Variants in C1QTNF3 observed in about 807,000 individuals in gnomAD.
C1QTNF3 encodes complement C1q tumor necrosis factor-related protein 3.
Under a neutral mutation model 32.6 loss-of-function variants are expected in C1QTNF3, and 26 were observed. That is an observed-to-expected ratio of 0.80 (90% CI 0.58 to 1.11). The LOEUF is 1.11. Among genes scored for constraint, C1QTNF3 ranks in the 50% least tolerant of loss-of-function variants. C1QTNF3 has a pLI of 0.00. For synonymous variants in C1QTNF3, 155 were observed against 146.0 expected (o/e 1.06, Z -0.44); for missense variants, 362 against 398.2 (o/e 0.91, Z 0.77).
chr5:34,187,316 T>C, the C1QTNF3 span, among the ~76,000 whole-genome samples: 1 of 152,298 alleles, frequency 6.6e-6, no homozygotes, highest in East Asian at 1.9e-4. Context: ...ATACAATAAG[T>C]TGATACCAGT....
the C1QTNF3 span, among the ~76,000 whole-genome samples, chr5:34,154,432 T>C: frequency 1.3e-5 from 2 of 152,190 alleles, no homozygotes; most frequent in Non-Finnish European, 2.9e-5. Context: ...TGATTAAATG[T>C]TACCCTGTGT....
At chr5:34,220,392 T>C in the C1QTNF3 span, among the ~76,000 whole-genome samples, 1 of 152,002 alleles carries the variant, frequency 6.6e-6, no homozygotes, top group Non-Finnish European at 1.5e-5. Flanking sequence ...TCTATGTCAA[T>C]GATCGTCCTT....
rs1754266459 is a variant in C1QTNF3 at position 34,019,195 on chromosome 5, T to C, written c.*1388A>G. ...GTACATGTAAATTTCCTATGACACCTACCTACTGTTTCCTTTTTAGCATCT... is the reference window on the plus strand; with the variant it reads ...GTACATGTAAATTTCCTATGACACCCACCTACTGTTTCCTTTTTAGCATCT... On this transcript the variant is annotated 3_prime_UTR_variant, in exon 6 of 6. Transcript: ENST00000382065. Among the ~76,000 whole-genome samples the C allele has an allele frequency of 3.3e-5, 5 of 152,308 alleles. No homozygotes were observed. The South Asian group carries it at 1.0e-3, about 32-fold the overall frequency.
the C1QTNF3 span, among the ~76,000 whole-genome samples, chr5:34,216,806 G>T: frequency 6.6e-6 from 1 of 152,286 alleles, no homozygotes; most frequent in African/African-American, 2.4e-5. Context: ...AAGCAGGAAT[G>T]AATGCAATAA....
the C1QTNF3 span, among the ~76,000 whole-genome samples, chr5:34,225,382 G>A: frequency 1.3e-5 from 2 of 152,040 alleles, no homozygotes; most frequent in East Asian, 1.9e-4. Flanking sequence ...TTTGGAATTC[G>A]TTTTAGTGTA....
At chr5:34,063,551 G>A in the C1QTNF3 span, among the ~76,000 whole-genome samples, 1 of 152,118 alleles carries the variant, frequency 6.6e-6, no homozygotes, top group Admixed American at 6.5e-5. Context: ...GTAGAAACTG[G>A]GGGAGGAGAG....
the C1QTNF3 span, among the ~76,000 whole-genome samples, chr5:34,187,407 T>C: frequency 1.3e-5 from 2 of 152,398 alleles, no homozygotes; most frequent in African/African-American, 4.8e-5. Context: ...CTGGAACAGT[T>C]TGGAAGGCTC....
At chr5:34,228,879 G>A in the C1QTNF3 span, among the ~76,000 whole-genome samples, 11 of 150,388 alleles carry the variant, frequency 7.3e-5, no homozygotes, top group Non-Finnish European at 1.3e-4. Context: ...GAAGCTGGCC[G>A]TAATTTGTTC....
the C1QTNF3 span, among the ~76,000 whole-genome samples, chr5:34,118,840 C>T: frequency 6.6e-6 from 1 of 152,022 alleles, no homozygotes; most frequent in East Asian, 1.9e-4. Context: ...GAAAAGGTTA[C>T]AATCGCTTTA....
At chr5:34,160,785 A>G in the C1QTNF3 span, among the ~76,000 whole-genome samples, 1 of 152,228 alleles carries the variant, frequency 6.6e-6, no homozygotes, top group African/African-American at 2.4e-5. Flanking sequence ...TGACAGACTG[A>G]TAATAATCCC....
the C1QTNF3 span, among the ~76,000 whole-genome samples, chr5:34,178,104 T>TAAC: frequency 1.3e-5 from 1 of 76,480 alleles, no homozygotes; most frequent in Non-Finnish European, 2.4e-5. Context: ...TCATCTCTAC[T>TAAC]AAAAAAAAAA....
At chr5:34,118,603 A>T in the C1QTNF3 span, among the ~76,000 whole-genome samples, 11 of 151,850 alleles carry the variant, frequency 7.2e-5, no homozygotes, top group East Asian at 2.1e-3. Flanking sequence ...ATTTAACATA[A>T]TATTCCATTG....
chr5:34,233,702 G>A, the C1QTNF3 span, among the ~76,000 whole-genome samples: 9 of 147,784 alleles, frequency 6.1e-5, no homozygotes, highest in Non-Finnish European at 7.5e-5. Flanking sequence ...CAGGACATGC[G>A]TTTTTTTTTT....
chr5:34,184,065 AATAC>A, the C1QTNF3 span, among the ~76,000 whole-genome samples: 4 of 152,298 alleles, frequency 2.6e-5, no homozygotes, highest in Admixed American at 6.5e-5. Flanking sequence ...TAAGTCTGAG[AATAC>A]CAAAAGAGAC....
chr5:34,147,990 T>C, the C1QTNF3 span, among the ~76,000 whole-genome samples: 1 of 151,908 alleles, frequency 6.6e-6, no homozygotes, highest in African/African-American at 2.4e-5. Context: ...CGCAGGCCAG[T>C]GTGTGTGCGC....
chr5:34,101,017 T>C, the C1QTNF3 span, among the ~76,000 whole-genome samples: 4 of 151,512 alleles, frequency 2.6e-5, no homozygotes, highest in Non-Finnish European at 5.9e-5. Context: ...TCAATTTTCA[T>C]AAAATATGCC....
At chr5:34,130,843 A>C in the C1QTNF3 span, among the ~76,000 whole-genome samples, 1 of 152,224 alleles carries the variant, frequency 6.6e-6, no homozygotes, top group Non-Finnish European at 1.5e-5. Flanking sequence ...GGCTCTCTCT[A>C]TGTCCTCATA....
the C1QTNF3 span, among the ~76,000 whole-genome samples, chr5:34,103,784 T>C: frequency 4.7e-5 from 7 of 148,388 alleles, no homozygotes; most frequent in Admixed American, 4.7e-4. Context: ...ATCGCACCAC[T>C]GCATTCCAGC....
the C1QTNF3 span, among the ~76,000 whole-genome samples, chr5:34,085,873 T>C: frequency 6.6e-6 from 1 of 151,460 alleles, no homozygotes; most frequent in Non-Finnish European, 1.5e-5. Flanking sequence ...TTGTGGAAGA[T>C]AGTGTGGCAA....
Sources: gnomAD v4.1 joint callset for allele counts (sites outside exome capture counted in the v4.1 genomes callset) on GRCh38, gnomAD v4.1.1 for gene constraint, MANE v1.5 for transcripts, NCBI Gene and HGNC (gene_info 2026-07-23, HGNC 2026-07-21) for gene names.